Variants in EIF4G3 observed in about 807,000 individuals in gnomAD.
The protein encoded by EIF4G3 is eIF-4-gamma 3.
Under a neutral mutation model 186.4 loss-of-function variants are expected in EIF4G3, and 34 were observed. That is an observed-to-expected ratio of 0.18 (90% confidence interval 0.14 to 0.24). EIF4G3 has a LOEUF of 0.24. Ranked by LOEUF, EIF4G3 falls within the 10% of genes least tolerant of loss-of-function variation. The pLI is 1.00. For missense variants in EIF4G3, 1,536 were observed against 1,948.5 expected, an observed-to-expected ratio of 0.79 and a Z score of 3.99; for synonymous variants, 673 against 679.5, an observed-to-expected ratio of 0.99 and a Z score of 0.15.
At chr1:20,971,448 T>G (rs1419802910) in intron 11 of EIF4G3, among the ~76,000 whole-genome samples, 1 of 152,260 alleles carries the variant, frequency 6.6e-6, no homozygotes, top group African/African-American at 2.4e-5. Flanking sequence ...TTCTATTCAT[T>G]TTTCTGCATT....
intron 19 of EIF4G3, 77 bp from the exon 20 acceptor site, chr1:20,879,597 A>G: frequency 1.1e-6 from 1 of 882,830 alleles, no homozygotes; most frequent in Non-Finnish European, 1.6e-6. Context: ...ATTAATTTTA[A>G]AAATAATATA....
At chr1:21,035,256 T>C (rs1374601182) in intron 4 of EIF4G3, among the ~76,000 whole-genome samples, 1 of 152,202 alleles carries the variant, frequency 6.6e-6, no homozygotes, top group Non-Finnish European at 1.5e-5. Context: ...ACCTGCACCT[T>C]ACCTGCCGTG....
In EIF4G3 at chr1:21,029,349, G is replaced by A. The variant is rs539047978; in HGVS notation, c.-67+21517C>T. 5.3e-5 allele frequency among the ~76,000 whole-genome samples: 8 copies of A among 151,894 alleles called. No individual in the cohort carries two copies. In the South Asian group the frequency reaches 8.3e-4, roughly 16 times the overall value. On this transcript the variant is annotated intron_variant, in intron 4 of 36. Coordinates refer to ENST00000602326, the MANE Select transcript of EIF4G3 (RefSeq NM_001391906.1). ...TCATAAAGTTTTAATTAGACTCCACGAACACAGGTAATGGAATTTCCAAAG... is the reference window on the plus strand; with the variant it reads ...TCATAAAGTTTTAATTAGACTCCACAAACACAGGTAATGGAATTTCCAAAG...
At chr1:21,167,191 T>C (rs866388429) in intron 2 of EIF4G3, among the ~76,000 whole-genome samples, 5 of 152,194 alleles carry the variant, frequency 3.3e-5, no homozygotes, top group Non-Finnish European at 5.9e-5. Context: ...CCATTCTCAA[T>C]GTAAAAATAG....
intron 2 of EIF4G3, among the ~76,000 whole-genome samples, chr1:21,120,500 T>C (rs2096907265): frequency 6.6e-6 from 1 of 151,508 alleles, no homozygotes; most frequent in Non-Finnish European, 1.5e-5. Context: ...TGGTGGTGCA[T>C]GCCTATAATC....
chr1:21,072,194 T>C lies in EIF4G3; in HGVS notation c.-196+16944A>G, dbSNP rs1003369543. 3.9e-5 allele frequency among the ~76,000 whole-genome samples: 6 copies of C among 152,132 alleles called. 1 individual carries two copies. The highest frequency in any genetic ancestry group is 1.4e-4 in the African/African-American group (6 of 41,428). ...GGTAATAAAGTTGGACATTCCAAGA[T>C]GACAAATATATAATAAGTATTGATG... On this transcript the variant is annotated intron_variant, in intron 3 of 36. Transcript: ENST00000602326.
At chr1:20,832,068 C>T (rs9793609) in intron 30 of EIF4G3, among the ~76,000 whole-genome samples, 126,693 of 134,526 alleles carry the variant, frequency 0.94, 60,167 homozygotes, top group Middle Eastern at 1. Context: ...GCAATAAACA[C>T]ACGTGTGCAT....
chr1:21,003,186 T>TG (rs1557442947), intron 4 of EIF4G3, among the ~76,000 whole-genome samples: 31 of 150,730 alleles, frequency 2.1e-4, no homozygotes, highest in African/African-American at 7.5e-4. Flanking sequence ...TTTTTTTTTT[T>TG]TTTCAGAGAC....
chr1:20,865,405 T>C (rs903244732), intron 20 of EIF4G3, 143 bp from the exon 21 acceptor site: 4 of 813,708 alleles, frequency 4.9e-6, no homozygotes, highest in African/African-American at 3.5e-5. Flanking sequence ...GCTTCAGGCA[T>C]TTCATGATTC....
chr1:21,132,790 T>C (rs1258321398), intron 2 of EIF4G3, among the ~76,000 whole-genome samples: 1 of 151,992 alleles, frequency 6.6e-6, no homozygotes, highest in African/African-American at 2.4e-5. Flanking sequence ...AAATTTTTAT[T>C]TTATCTTTTG....
At chr1:20,962,421 T>C (rs1314953131) in intron 12 of EIF4G3, among the ~76,000 whole-genome samples, 1 of 152,214 alleles carries the variant, frequency 6.6e-6, no homozygotes, top group Admixed American at 6.5e-5. Flanking sequence ...TTTATCAGTA[T>C]CATAAGTTTA....
chr1:21,060,477 G>C (rs1231839053), intron 3 of EIF4G3, among the ~76,000 whole-genome samples: 7 of 152,178 alleles, frequency 4.6e-5, no homozygotes, highest in Admixed American at 4.6e-4. Flanking sequence ...AGGACTTAGG[G>C]TTTTATTCTA....
intron 18 of EIF4G3, among the ~76,000 whole-genome samples, 162 bp from the exon 19 acceptor site, chr1:20,886,533 A>T (rs2084212009): frequency 6.6e-6 from 1 of 152,224 alleles, no homozygotes; most frequent in South Asian, 2.1e-4. Flanking sequence ...AAAAAAAATA[A>T]CTTCAGAATA....
chr1:20,889,992 A>T (rs935101345), intron 18 of EIF4G3, among the ~76,000 whole-genome samples: 98 of 150,028 alleles, frequency 6.5e-4, no homozygotes, highest in African/African-American at 2.3e-3. Flanking sequence ...TTTTTTTTTT[A>T]GACAGAGTCT....
chr1:20,917,239 T>A (rs2093979006), intron 14 of EIF4G3, among the ~76,000 whole-genome samples: 1 of 152,206 alleles, frequency 6.6e-6, no homozygotes. Flanking sequence ...GTTCATGCCT[T>A]TAATCCCATC....
chr1:21,118,741 G>A (rs1012382559), intron 2 of EIF4G3, among the ~76,000 whole-genome samples: 3 of 150,266 alleles, frequency 2.0e-5, no homozygotes, highest in African/African-American at 2.5e-5. Context: ...AGGCAAGATC[G>A]TGCCACCACA....
At chr1:21,103,229 T>C (rs564815323) in intron 2 of EIF4G3, among the ~76,000 whole-genome samples, 4 of 152,272 alleles carry the variant, frequency 2.6e-5, no homozygotes, top group Middle Eastern at 3.4e-3. Context: ...ACTCCTATAC[T>C]GCTTTCTATT....
intron 7 of EIF4G3, among the ~76,000 whole-genome samples, chr1:20,987,857 G>A (rs971719906): frequency 5.3e-5 from 8 of 152,200 alleles, no homozygotes; most frequent in Non-Finnish European, 1.2e-4. Context: ...TAAACTTAGT[G>A]AGGAAGGCAT....
intron 2 of EIF4G3, among the ~76,000 whole-genome samples, chr1:21,106,350 C>G (rs2101984332): frequency 6.6e-6 from 1 of 151,962 alleles, no homozygotes; most frequent in East Asian, 1.9e-4. Flanking sequence ...AGGTAGTGGC[C>G]TAGAAGACAG....
Sources: allele counts gnomAD v4.1 joint callset (sites outside exome capture counted in the v4.1 genomes callset), GRCh38; gene constraint gnomAD v4.1.1; transcripts MANE v1.5; gene names NCBI Gene and HGNC (gene_info 2026-07-23, HGNC 2026-07-21).